The following C17orf107 variants were observed in gnomAD, a reference collection of about 807,000 sequenced individuals.
The protein encoded by C17orf107 is uncharacterized protein C17orf107.
C17orf107 carries 9 observed loss-of-function variants against 8.9 expected under a neutral mutation model. The ratio of observed to expected loss-of-function variants is 1.02; its 90% CI spans 0.61 to 1.77. The LOEUF is 1.77. Among genes scored for constraint, C17orf107 ranks in the 40% most tolerant of loss-of-function variants. The probability of loss-of-function intolerance (pLI) is 0.00; values close to 1 mark genes in which losing one functional copy is unlikely to be tolerated. For missense variants in C17orf107, 281 were observed against 249.0 expected (o/e 1.13, Z -0.86); for synonymous variants, 139 against 120.3 (o/e 1.16, Z -1.02).
Position 4,900,121 on chromosome 17 carries a change from G to C in C17orf107, c.252G>C (p.Val84=), listed in dbSNP as rs924656972. 3 of 1,550,694 alleles carry C rather than the reference G, an allele frequency of 1.9e-6. No homozygotes were observed. The highest frequency in any genetic ancestry group is 4.9e-5 in the East Asian group (2 of 40,924). Residue 84 remains valine, a synonymous_variant, in exon 2 of 3, where the codon GTG becomes GTC. Transcript: ENST00000381365. The stretch of plus-strand genomic sequence containing the variant: ...TGAGAGAAGCCACAGCCAGCCTCGT[G>C]AGCTTCGGCACCACCTTGTTAGAGG... ...LVLREATASL[V]SFGTTLLEIS... is the part of the protein sequence containing the mutation.
Position 4,902,430 on chromosome 17 carries a change from A to T in C17orf107, c.*1897A>T, listed in dbSNP as rs1240336285. Reference sequence around the variant, plus strand: ...GGTGCCCTGGACAAGACCTCACACCATTCCCCAGATTTGACTCACGATTCC... The same window carrying T: ...GGTGCCCTGGACAAGACCTCACACCTTTCCCCAGATTTGACTCACGATTCC... On this transcript the variant is annotated 3_prime_UTR_variant, in exon 3 of 3. Coordinates refer to ENST00000381365, the MANE Select transcript of C17orf107 (RefSeq NM_001145536.2). The surrounding 1 kb of genome is among the most constrained non-coding windows in gnomAD (Gnocchi z 4.0). The T allele has an allele frequency of 1.9e-6, 3 of 1,614,038 alleles. No homozygotes were observed. In the African/African-American group the frequency reaches 4.0e-5, roughly 22 times the overall value.
In C17orf107 at chr17:4,899,749, C is replaced by T. The variant is rs1236120748; in HGVS notation, c.-14C>T. The T allele has an allele frequency of 5.2e-6, 8 of 1,550,680 alleles. No individual in the cohort carries two copies. In the Admixed American group the frequency reaches 7.8e-5, roughly 15 times the overall value. On this transcript the variant is annotated 5_prime_UTR_variant, in exon 1 of 3. Coordinates refer to ENST00000381365, the MANE Select transcript of C17orf107 (RefSeq NM_001145536.2). ...TCCCCCAGCCCTTCTCCTGTCCTAC[C>T]ACTTGTGGCGGCCATGAAGGGGACC...
chr17:4,901,198 A>G lies in C17orf107; in HGVS notation c.*665A>G. The G allele has an allele frequency of 6.3e-7, 1 of 1,599,744 alleles. No homozygotes were observed. Among genetic ancestry groups the G allele is most frequent in the Non-Finnish European group, 8.5e-7 (1 of 1,177,514 alleles). On this transcript the variant is annotated 3_prime_UTR_variant, in exon 3 of 3. Transcript: ENST00000381365. ...TGGCCCACTCGCCGTTCTCTGCGGG[A>G]CGGGGGCACGGTCAGCTGGCTGTCA...
rs768327627 is a variant in C17orf107, at chr17:4,900,064, G to A, written c.195G>A (p.Leu65=). The A allele has an allele frequency of 1.9e-6, 3 of 1,551,058 alleles. No homozygotes were observed. Among genetic ancestry groups the A allele is most frequent in the African/African-American group, 2.7e-5 (2 of 73,072 alleles). The change falls in exon 2 of 3, where the codon CTG becomes CTA. Residue 65 remains leucine (L), a synonymous_variant. Transcript: ENST00000381365. The stretch of plus-strand genomic sequence containing the variant: ...CCGAACCGAAGATGCAGGGGATGCT[G>A]CCTGCCCCGAAGCCCACCCTGGGGC... The part of the protein sequence containing the change: ...EPPEPKMQGM[L]PAPKPTLGLV...
In C17orf107 at chr17:4,902,714, G is replaced by A. The variant is rs1315961107; in HGVS notation, c.*2181G>A. On this transcript the variant is annotated 3_prime_UTR_variant, in exon 3 of 3. Coordinates refer to ENST00000381365, the MANE Select transcript of C17orf107 (RefSeq NM_001145536.2). This position sits in a 1 kb window ranked among gnomAD's most constrained non-coding sequence, Gnocchi z 4.0. ...GCCGGCTTCCTGGGTCATAGTTGTT[G>A]AAGAGATGGTGATAAAGACGCAGTT... The A allele has an allele frequency of 6.2e-7, 1 of 1,613,954 alleles. No homozygotes were observed. The highest frequency in any genetic ancestry group is 8.5e-7 in the Non-Finnish European group (1 of 1,180,018).
chr17:4,899,758 C>T lies in C17orf107; in HGVS notation c.-5C>T, dbSNP rs1459037419. ...CCTTCTCCTGTCCTACCACTTGTGGCGGCCATGAAGGGGACCCCCAGCTCC... is the reference window on the plus strand; with the variant it reads ...CCTTCTCCTGTCCTACCACTTGTGGTGGCCATGAAGGGGACCCCCAGCTCC... On this transcript the variant is annotated 5_prime_UTR_variant, in exon 1 of 3. Coordinates refer to ENST00000381365, the MANE Select transcript of C17orf107 (RefSeq NM_001145536.2). 8.4e-6 allele frequency: 13 copies of T among 1,550,794 alleles called. No individual in the cohort carries two copies. The highest frequency in any genetic ancestry group is 1.7e-4 in the Middle Eastern group (1 of 6,014).
At position 4,902,300 on chromosome 17, in the gene C17orf107, G is replaced by A. The variant is rs1423670662; in HGVS notation, c.*1767G>A. ...CTATACCCCCAAAGTCGTCCTTGCT[G>A]TAGTTGAGTCGGTAATCCTGCCAAT... On this transcript the variant is annotated 3_prime_UTR_variant, in exon 3 of 3. Transcript: ENST00000381365. This position sits in a 1 kb window ranked among gnomAD's most constrained non-coding sequence, Gnocchi z 4.0. 1 of 1,614,098 alleles carries A rather than the reference G, an allele frequency of 6.2e-7. No individual in the cohort carries two copies. The highest frequency in any genetic ancestry group is 1.3e-5 in the African/African-American group (1 of 74,936).
At position 4,900,505 on chromosome 17, in the gene C17orf107, C is replaced by CGGTGAGCTCAGGACACGG. The variant is rs1398933093; in HGVS notation, c.552_569dup (p.Ser185_Ser190dup). On this transcript the variant is annotated inframe_insertion, in exon 3 of 3. Coordinates refer to ENST00000381365, the MANE Select transcript of C17orf107 (RefSeq NM_001145536.2). ...CTAGGCCTCGGAATCCCCGGAGAAC[C>CGGTGAGCTCAGGACACGG]GGTGAGCTCAGGACACGGGGTGAGT... 9.0e-6 allele frequency: 14 copies of CGGTGAGCTCAGGACACGG among 1,550,828 alleles called. No individual in the cohort carries two copies. Among genetic ancestry groups the CGGTGAGCTCAGGACACGG allele is most frequent in the Admixed American group, 3.9e-5 (2 of 50,996 alleles).
Position 4,901,292 on chromosome 17 carries a change from G to C in C17orf107, c.*759G>C. 1 of 1,354,730 alleles carries C rather than the reference G, an allele frequency of 7.4e-7. No homozygotes were observed. Among genetic ancestry groups the C allele is most frequent in the East Asian group, 2.3e-5 (1 of 42,810 alleles). 83.9% of individuals were successfully genotyped at this position (1,354,730 alleles called of 1,614,324 possible). On this transcript the variant is annotated 3_prime_UTR_variant, in exon 3 of 3. Coordinates refer to ENST00000381365, the MANE Select transcript of C17orf107 (RefSeq NM_001145536.2). ...TGCGGCTGTCTGCACCAGGGTCATG[G>C]GCCGTCAGGATGGGGGCAATTACGG...
chr17:4,902,817 T>C lies in C17orf107; in HGVS notation c.*2284T>C. On this transcript the variant is annotated 3_prime_UTR_variant, in exon 3 of 3. Coordinates refer to ENST00000381365, the MANE Select transcript of C17orf107 (RefSeq NM_001145536.2). This position sits in a 1 kb window ranked among gnomAD's most constrained non-coding sequence, Gnocchi z 4.0. Reference sequence around the variant, plus strand: ...TTGGCAATGAAGAGGCTGGAGCACCTCTCTCCCCTCTGCCTCCCCTGGGTC... The same window carrying C: ...TTGGCAATGAAGAGGCTGGAGCACCCCTCTCCCCTCTGCCTCCCCTGGGTC... 6.2e-7 allele frequency: 1 copy of C among 1,612,732 alleles called. No homozygotes were observed. Among genetic ancestry groups the C allele is most frequent in the South Asian group, 1.1e-5 (1 of 91,042 alleles).
chr17:4,900,543 G>A lies in C17orf107; in HGVS notation c.*10G>A, dbSNP rs891910569. The A allele has an allele frequency of 7.7e-6, 12 of 1,550,476 alleles. No individual in the cohort carries two copies. In the African/African-American group the frequency reaches 1.4e-4, roughly 18 times the overall value. On this transcript the variant is annotated 3_prime_UTR_variant, in exon 3 of 3. Transcript: ENST00000381365. ...ACACGGGGTGAGTTAGGGGCCAGAG[G>A]CGGCGGGGCTAGGGAGGCACTGAGC...
In C17orf107 at chr17:4,900,167, G is replaced by A. The variant is rs1169424726; in HGVS notation, c.276+22G>A. Reference sequence around the variant, plus strand: ...AGAGGTGGGGTACTGGGGGGCTTAGGATACGCGGCGATCGGGTAGCGGGAA... The same window carrying A: ...AGAGGTGGGGTACTGGGGGGCTTAGAATACGCGGCGATCGGGTAGCGGGAA... On this transcript the variant is annotated intron_variant, in intron 2 of 2. Coordinates refer to ENST00000381365, the MANE Select transcript of C17orf107 (RefSeq NM_001145536.2). 5 of 1,546,310 alleles carry A rather than the reference G, an allele frequency of 3.2e-6. No individual in the cohort carries two copies. In the African/African-American group the frequency reaches 5.5e-5, roughly 17 times the overall value.
rs1409454890 is a variant in C17orf107 at position 4,900,020 on chromosome 17, C to T, written c.151C>T (p.Leu51=). ...HEYLEQRFRE[L]KSLEPPEPKM... is the part of the protein sequence containing the mutation. ...ATATCTGGAGCAGAGGTTCAGAGAG[C>T]TGAAGTCCCTGGAGCCACCCGAACC... Residue 51 remains leucine, a synonymous_variant, in exon 2 of 3, where the codon CTG becomes TTG. Transcript: ENST00000381365. The T allele has an allele frequency of 6.4e-7, 1 of 1,551,510 alleles. No homozygotes were observed. The highest frequency in any genetic ancestry group is 1.4e-5 in the African/African-American group (1 of 73,190).
In C17orf107 at chr17:4,900,124, CTTCGGCACCACCT is replaced by C; in HGVS notation, c.257_269del (p.Phe86CysfsTer2). The stretch of plus-strand genomic sequence containing the variant: ...GAGAAGCCACAGCCAGCCTCGTGAG[CTTCGGCACCACCT>C]TGTTAGAGGTGGGGTACTGGGGGGC... On this transcript the variant is annotated frameshift_variant, in exon 2 of 3. Coordinates refer to ENST00000381365, the MANE Select transcript of C17orf107 (RefSeq NM_001145536.2). LOFTEE classifies it low-confidence loss of function (END_TRUNC). 1.3e-6 allele frequency: 2 copies of C among 1,550,606 alleles called. No homozygotes were observed. Among genetic ancestry groups the C allele is most frequent in the Non-Finnish European group, 1.7e-6 (2 of 1,146,866 alleles).
chr17:4,901,104 C>G lies in C17orf107; in HGVS notation c.*571C>G. 1.2e-6 allele frequency: 2 copies of G among 1,613,554 alleles called. No homozygotes were observed. Among genetic ancestry groups the G allele is most frequent in the Non-Finnish European group, 1.7e-6 (2 of 1,179,966 alleles). On this transcript the variant is annotated 3_prime_UTR_variant, in exon 3 of 3. Coordinates refer to ENST00000381365, the MANE Select transcript of C17orf107 (RefSeq NM_001145536.2). ...CGGCGGATGATGAGCGAGTAGATGACGTCAGTCTCCCCTGGGCCGTCGGTG... is the reference window on the plus strand; with the variant it reads ...CGGCGGATGATGAGCGAGTAGATGAGGTCAGTCTCCCCTGGGCCGTCGGTG...
chr17:4,905,659 G>A (rs879765347), downstream of C17orf107, among the ~76,000 whole-genome samples: 28 of 152,132 alleles, frequency 1.8e-4, no homozygotes, highest in Non-Finnish European at 3.4e-4. Flanking sequence ...TCAAGAGTTC[G>A]AGACCAGTCT....
rs761643342 is a variant in C17orf107, at chr17:4,901,568, G to C, written c.*1035G>C. ...CGATGTCGATCTTGTTGATGGTCTT[G>C]CCGTCGTTGTCTACGGCAAAAGTGA... On this transcript the variant is annotated 3_prime_UTR_variant, in exon 3 of 3. Coordinates refer to ENST00000381365, the MANE Select transcript of C17orf107 (RefSeq NM_001145536.2). 6.2e-7 allele frequency: 1 copy of C among 1,614,184 alleles called. No individual in the cohort carries two copies. The highest frequency in any genetic ancestry group is 1.1e-5 in the South Asian group (1 of 91,086).
At chr17:4,905,420 C>G (rs1970080028), downstream of C17orf107, among the ~76,000 whole-genome samples, 1 of 152,078 alleles carries the variant, frequency 6.6e-6, no homozygotes, top group South Asian at 2.1e-4. Context: ...AAAATATTAG[C>G]CAGGCATCAT....
At chr17:4,903,042 C>T (rs755161498), downstream of C17orf107, 1 of 1,614,018 alleles carries the variant, frequency 6.2e-7, no homozygotes, top group South Asian at 1.1e-5. Context: ...AGGAGCAGGA[C>T]CCCAAGCGGA....
Sources: gnomAD v4.1 joint callset for allele counts (sites outside exome capture counted in the v4.1 genomes callset) on GRCh38, gnomAD v4.1.1 for gene constraint, Gnocchi (gnomAD v3.1) non-coding constraint, MANE v1.5 for transcripts, NCBI Gene and HGNC (gene_info 2026-07-23, HGNC 2026-07-21) for gene names.